Variants in KPNA5 observed in about 807,000 individuals in gnomAD.
KPNA5 encodes the protein karyopherin subunit alpha 5.
KPNA5 carries 46 observed loss-of-function variants against 71.3 expected under a neutral mutation model. The observed-to-expected ratio is 0.65, with a 90% confidence interval of 0.51 to 0.83. The LOEUF (loss-of-function observed/expected upper bound fraction) is 0.83. Ranked by LOEUF, KPNA5 falls within the 40% of genes least tolerant of loss-of-function variation. The pLI is 0.00. For synonymous variants in KPNA5, 207 were observed against 201.4 expected (o/e 1.03, Z -0.24); for missense variants, 547 against 628.3 (o/e 0.87, Z 1.38).
At chr6:116,703,504 C>T (rs1282453422) in intron 6 of KPNA5, among the ~76,000 whole-genome samples, 1 of 152,094 alleles carries the variant, frequency 6.6e-6, no homozygotes, top group Non-Finnish European at 1.5e-5. Flanking sequence ...TTCAGGTGAT[C>T]TGCCCACCTA....
chr6:116,706,244 C>T, intron 7 of KPNA5, among the ~76,000 whole-genome samples: 1 of 152,132 alleles, frequency 6.6e-6, no homozygotes. Flanking sequence ...TTGTTAATAT[C>T]TCAAGTAGGT....
intron 13 of KPNA5, among the ~76,000 whole-genome samples, chr6:116,731,039 A>G (rs1779464695): frequency 6.6e-6 from 1 of 152,078 alleles, no homozygotes; most frequent in Non-Finnish European, 1.5e-5. Context: ...CAAAGTTTAC[A>G]AAGTCATTGC....
Position 116,739,283 on chromosome 6 carries a change from A to C in KPNA5, c.*6960A>C, listed in dbSNP as rs1002666164. 3.3e-5 allele frequency: 5 copies of C among 151,952 alleles called. No homozygotes were observed. The highest frequency in any genetic ancestry group is 7.4e-5 in the Non-Finnish European group (5 of 67,962). 9.4% of individuals were successfully genotyped at this position (151,952 alleles called of 1,614,324 possible). A position where few individuals can be genotyped will look rare whatever the true frequency, so the allele number is the denominator to read the frequency against. ...AGAGAATAAAATACTTAGGAATCCA[A>C]CTTACAAGGGACGTGAAGGACCTCT... is the stretch of plus-strand genomic sequence containing the variant. On this transcript the variant is annotated 3_prime_UTR_variant, in exon 14 of 14. Coordinates refer to ENST00000368564, the MANE Select transcript of KPNA5 (RefSeq NM_001366306.2).
intron 8 of KPNA5, among the ~76,000 whole-genome samples, chr6:116,720,248 T>C (rs1779052199): frequency 6.6e-6 from 1 of 152,206 alleles, no homozygotes; most frequent in Non-Finnish European, 1.5e-5. Flanking sequence ...GCTTTCCTCT[T>C]ATTGGTAGTT....
At chr6:116,696,574 C>T (rs991749425) in intron 4 of KPNA5, among the ~76,000 whole-genome samples, 1 of 152,090 alleles carries the variant, frequency 6.6e-6, no homozygotes, top group African/African-American at 2.4e-5. Context: ...TATTTATTTC[C>T]TTTTCGTGGC....
At chr6:116,704,974 G>T in intron 6 of KPNA5, 98 bp from the exon 7 acceptor site, 1 of 686,720 alleles carries the variant, frequency 1.5e-6, no homozygotes, top group South Asian at 2.3e-5. Context: ...TAACATATCA[G>T]AAACTGTTGC....
intron 1 of KPNA5, among the ~76,000 whole-genome samples, chr6:116,685,637 A>C (rs1583397713): frequency 1.3e-5 from 2 of 152,144 alleles, no homozygotes; most frequent in East Asian, 3.8e-4. Context: ...TTGTGGCTGC[A>C]TAGTATTTCA....
In KPNA5 at chr6:116,681,218, A is replaced by G. The variant is rs968054007; in HGVS notation, c.-117A>G. ...GGGGCGCAGGTGGCCGCCATCTTGG[A>G]TTGCGAACTGGGTCGCTACGCTTCA... is the stretch of plus-strand genomic sequence containing the variant. On this transcript the variant is annotated 5_prime_UTR_variant, in exon 1 of 14. Transcript: ENST00000368564. 2.9e-5 allele frequency: 42 copies of G among 1,434,676 alleles called. No individual in the cohort carries two copies. The highest frequency in any genetic ancestry group is 7.4e-5 in the Admixed American group (4 of 53,896). 88.9% of individuals were successfully genotyped at this position (1,434,676 alleles called of 1,614,324 possible). A position where few individuals can be genotyped will look rare whatever the true frequency, so the allele number is the denominator to read the frequency against.
chr6:116,695,205 A>C (rs911988575), intron 4 of KPNA5, among the ~76,000 whole-genome samples: 1 of 152,130 alleles, frequency 6.6e-6, no homozygotes. Flanking sequence ...CTGTGATTAC[A>C]GGTGTGAGCC....
At chr6:116,711,575 CTAGT>C (rs943377885) in intron 7 of KPNA5, among the ~76,000 whole-genome samples, 11 of 138,542 alleles carry the variant, frequency 7.9e-5, no homozygotes, top group African/African-American at 3.2e-4. Flanking sequence ...TTTTAACTCA[CTAGT>C]TATTTAAGAG....
chr6:116,691,102 G>C (rs557689302), intron 2 of KPNA5, among the ~76,000 whole-genome samples: 1 of 152,140 alleles, frequency 6.6e-6, no homozygotes, highest in Non-Finnish European at 1.5e-5. Context: ...GGTGGCGCAC[G>C]CCTATAATCC....
intron 4 of KPNA5, among the ~76,000 whole-genome samples, chr6:116,694,505 A>T (rs57137900): frequency 3.9e-5 from 6 of 152,232 alleles, no homozygotes; most frequent in African/African-American, 1.4e-4. Context: ...AGCAATTGTG[A>T]ATGGGAGTTC....
In KPNA5 at chr6:116,738,489, A is replaced by C. The variant is rs1414507607; in HGVS notation, c.*6166A>C. 1 of 152,190 alleles carries C rather than the reference A, an allele frequency of 6.6e-6. No individual in the cohort carries two copies. The highest frequency in any genetic ancestry group is 1.9e-4 in the East Asian group (1 of 5,194). The allele number at this position is 152,190 out of a possible 1,614,324, so 9.4% of individuals were successfully genotyped here. A position where few individuals can be genotyped will look rare whatever the true frequency, so the allele number is the denominator to read the frequency against. On this transcript the variant is annotated 3_prime_UTR_variant, in exon 14 of 14. Coordinates refer to ENST00000368564, the MANE Select transcript of KPNA5 (RefSeq NM_001366306.2). ...AATAGAAAAAGAGGGAATCCTCCCT[A>C]ACTCATTTTCTGAGGCCAGCATCAT...
chr6:116,712,843 T>C (rs1323462233), intron 7 of KPNA5, among the ~76,000 whole-genome samples: 1 of 152,142 alleles, frequency 6.6e-6, no homozygotes, highest in Admixed American at 6.5e-5. Flanking sequence ...TCCTTTCCTA[T>C]TTTTTTAAAA....
intron 5 of KPNA5, among the ~76,000 whole-genome samples, chr6:116,700,010 T>G (rs1485287223): frequency 6.6e-6 from 1 of 152,198 alleles, no homozygotes; most frequent in Non-Finnish European, 1.5e-5. Flanking sequence ...AACAAAGTAC[T>G]CTGGGGACAC....
chr6:116,681,433 C>G (rs1322820849), intron 1 of KPNA5, 95 bp downstream of exon 1: 4 of 1,453,428 alleles, frequency 2.8e-6, no homozygotes, highest in Non-Finnish European at 3.6e-6. Flanking sequence ...TTATTTACCC[C>G]TTACTTTGCG....
chr6:116,683,279 A>G (rs1019093883), intron 1 of KPNA5, among the ~76,000 whole-genome samples: 2 of 152,236 alleles, frequency 1.3e-5, no homozygotes, highest in African/African-American at 2.4e-5. Context: ...TGAATGCACA[A>G]ATGTATTTTA....
intron 6 of KPNA5, 58 bp from the exon 7 acceptor site, chr6:116,705,014 C>CT: frequency 7.9e-7 from 1 of 1,258,402 alleles, no homozygotes; most frequent in Non-Finnish European, 1.1e-6. Context: ...AATCTCATTC[C>CT]TAAAGGAAAG....
intron 10 of KPNA5, among the ~76,000 whole-genome samples, 196 bp from the exon 11 acceptor site, chr6:116,725,555 T>G (rs1263840107): frequency 6.6e-6 from 1 of 152,208 alleles, no homozygotes; most frequent in Non-Finnish European, 1.5e-5. Context: ...AACAGGGCAG[T>G]TCCTTATAGT....
Sources: gnomAD v4.1 joint callset for allele counts (sites outside exome capture counted in the v4.1 genomes callset) on GRCh38, gnomAD v4.1.1 for gene constraint, MANE v1.5 for transcripts, NCBI Gene and HGNC (gene_info 2026-07-23, HGNC 2026-07-21) for gene names.